The following SLC35F3 variants were observed in gnomAD, a reference collection of about 807,000 sequenced individuals.
SLC35F3 encodes the protein solute carrier family 35 member F3, also known as putative thiamine transporter SLC35F3.
A neutral mutation model predicts 49.9 loss-of-function variants in SLC35F3; 25 were observed. The ratio of observed to expected loss-of-function variants is 0.50; its 90% CI spans 0.37 to 0.70. The LOEUF is 0.70. Ranked by LOEUF, SLC35F3 falls within the 30% of genes least tolerant of loss-of-function variation. The probability of loss-of-function intolerance (pLI) is 0.00; values close to 1 mark genes in which losing one functional copy is unlikely to be tolerated. For missense variants in SLC35F3, 525 were observed against 639.8 expected, an observed-to-expected ratio of 0.82 and a Z score of 1.94; for synonymous variants, 275 against 265.4, an observed-to-expected ratio of 1.04 and a Z score of -0.35.
chr1:234,144,748 A>G (rs1285579307), intron 2 of SLC35F3, among the ~76,000 whole-genome samples: 1 of 152,132 alleles, frequency 6.6e-6, no homozygotes, highest in Non-Finnish European at 1.5e-5. Flanking sequence ...CCCCTTTCTC[A>G]TGGACTTAGA....
chr1:234,130,457 G>A (rs1295416870), intron 2 of SLC35F3, among the ~76,000 whole-genome samples: 3 of 90,498 alleles, frequency 3.3e-5, no homozygotes, highest in African/African-American at 6.8e-5. Flanking sequence ...TGGCTAACAC[G>A]GTGAAACCCC....
chr1:234,186,061 T>C (rs532589847), intron 2 of SLC35F3, among the ~76,000 whole-genome samples: 4 of 152,268 alleles, frequency 2.6e-5, no homozygotes, highest in African/African-American at 7.2e-5. Flanking sequence ...CTAACAGAGA[T>C]AGAAACAGGC....
At chr1:234,085,159 C>T (rs1481249244) in intron 2 of SLC35F3, among the ~76,000 whole-genome samples, 1 of 152,178 alleles carries the variant, frequency 6.6e-6, no homozygotes, top group Non-Finnish European at 1.5e-5. Flanking sequence ...GGGTTTCTGG[C>T]TGTGTCTTGC....
At chr1:234,117,745 G>T (rs183897842) in intron 2 of SLC35F3, among the ~76,000 whole-genome samples, 10 of 151,626 alleles carry the variant, frequency 6.6e-5, no homozygotes, top group Admixed American at 3.9e-4. Flanking sequence ...AATTAGCCGG[G>T]CGTGGTGGTG....
rs569641929 is a variant in SLC35F3 at position 233,904,754 on chromosome 1, C to T, written c.-324C>T. ...GCTCTCCCGGTCGCGGCGAGACTCACGCCTGCGGTGTGCTAGGGCGGCGGC... is the reference window on the plus strand; with the variant it reads ...GCTCTCCCGGTCGCGGCGAGACTCATGCCTGCGGTGTGCTAGGGCGGCGGC... On this transcript the variant is annotated 5_prime_UTR_variant, in exon 1 of 8. It adds an upstream start codon to the 5' untranslated region. Transcript: ENST00000366618. Among the ~76,000 whole-genome samples the T allele has an allele frequency of 0.013, 1,993 of 151,822 alleles. 17 individuals are homozygous for T. The highest frequency in any genetic ancestry group is 0.023 in the Non-Finnish European group (1,533 of 67,878).
intron 2 of SLC35F3, among the ~76,000 whole-genome samples, chr1:234,184,999 C>T (rs915124157): frequency 1.3e-5 from 2 of 152,210 alleles, no homozygotes; most frequent in African/African-American, 4.8e-5. Flanking sequence ...CTATGGAGAA[C>T]ACCAAGGTGG....
Position 234,260,517 on chromosome 1 carries a change from G to A in SLC35F3, c.608+28776G>A, listed in dbSNP as rs76068656. On this transcript the variant is annotated intron_variant, in intron 3 of 7. Transcript: ENST00000366618. ...CAGGATCCCAGAGAGCCCTCTGGAC[G>A]GAGATCATGGTCTTCCATACTGGGT... Among the ~76,000 whole-genome samples the A allele has an allele frequency of 1.4e-4, 22 of 152,270 alleles. No homozygotes were observed. In the East Asian group the frequency reaches 3.7e-3, roughly 25 times the overall value.
rs1458546914 is a variant in SLC35F3 at position 234,324,432 on chromosome 1, C to T, written c.*1189C>T. 2 of 152,164 alleles carry T rather than the reference C, an allele frequency of 1.3e-5. No individual in the cohort carries two copies. Among genetic ancestry groups the T allele is most frequent in the African/African-American group, 4.8e-5 (2 of 41,420 alleles). 9.4% of individuals were successfully genotyped at this position (152,164 alleles called of 1,614,324 possible). A position where few individuals can be genotyped will look rare whatever the true frequency, so the allele number is the denominator to read the frequency against. ...CCTGGGGGAAAGGGGCATTCATGACCTGAACTTTTTAGCAAATTATTATTC... is the reference window on the plus strand; with the variant it reads ...CCTGGGGGAAAGGGGCATTCATGACTTGAACTTTTTAGCAAATTATTATTC... On this transcript the variant is annotated 3_prime_UTR_variant, in exon 8 of 8. Coordinates refer to ENST00000366618, the MANE Select transcript of SLC35F3 (RefSeq NM_173508.4).
At chr1:234,283,664 A>G (rs930041154) in intron 3 of SLC35F3, among the ~76,000 whole-genome samples, 3 of 152,256 alleles carry the variant, frequency 2.0e-5, no homozygotes, top group African/African-American at 7.2e-5. Flanking sequence ...AGAATCCCCC[A>G]TAACAGAGAA....
intron 3 of SLC35F3, chr1:234,306,531 C>G (rs1233324697): frequency 6.6e-6 from 1 of 152,658 alleles, no homozygotes; most frequent in African/African-American, 2.4e-5. Context: ...AGTCTTTGGT[C>G]TCAAAATATC....
intron 2 of SLC35F3, among the ~76,000 whole-genome samples, chr1:233,943,857 G>A (rs1662470938): frequency 6.6e-6 from 1 of 152,162 alleles, no homozygotes; most frequent in Non-Finnish European, 1.5e-5. Flanking sequence ...GAAATAATCA[G>A]CTTTAATTTT....
chr1:234,217,536 TGAG>T (rs1428373435), intron 2 of SLC35F3, among the ~76,000 whole-genome samples: 8 of 152,186 alleles, frequency 5.3e-5, no homozygotes, highest in African/African-American at 1.9e-4. Flanking sequence ...GAGGTGTTCC[TGAG>T]GAGGAGGCCT....
intron 3 of SLC35F3, among the ~76,000 whole-genome samples, chr1:234,232,076 C>T (rs1667387922): frequency 6.6e-6 from 1 of 152,160 alleles, no homozygotes; most frequent in African/African-American, 2.4e-5. Flanking sequence ...CCTCAGCAAG[C>T]TTGGGGTGAG....
Position 233,971,973 on chromosome 1 carries a change from A to T in SLC35F3, c.283+66215A>T, listed in dbSNP as rs568834749. On this transcript the variant is annotated intron_variant, in intron 2 of 7. Coordinates refer to ENST00000366618, the MANE Select transcript of SLC35F3 (RefSeq NM_173508.4). The stretch of plus-strand genomic sequence containing the variant: ...GCGTGCTGGCCTGCACAATGCCTCA[A>T]CCTGTGCCAGTGCCGTGTGTGTGTC... Among the ~76,000 whole-genome samples, 5 of 152,338 alleles carry T rather than the reference A, an allele frequency of 3.3e-5. No individual in the cohort carries two copies. In the South Asian group the frequency reaches 1.0e-3, roughly 32 times the overall value.
chr1:234,003,617 A>G (rs1214389394), intron 2 of SLC35F3, among the ~76,000 whole-genome samples: 2 of 152,218 alleles, frequency 1.3e-5, no homozygotes, highest in Non-Finnish European at 2.9e-5. Flanking sequence ...CACACACAAA[A>G]GGGCAAAATC....
At chr1:234,225,859 G>A (rs912120680) in intron 2 of SLC35F3, among the ~76,000 whole-genome samples, 6 of 152,198 alleles carry the variant, frequency 3.9e-5, no homozygotes, top group African/African-American at 1.4e-4. Context: ...TCAAAAGAAT[G>A]AACTGCTGAC....
In SLC35F3 at chr1:234,268,773, G is replaced by A. The variant is rs903846514; in HGVS notation, c.608+37032G>A. 3 of 152,120 alleles carry A rather than the reference G, an allele frequency of 2.0e-5. No homozygotes were observed. The South Asian group carries it at 6.2e-4, about 32-fold the overall frequency. The allele number at this position is 152,120 out of a possible 1,614,324, so 9.4% of individuals were successfully genotyped here. A position where few individuals can be genotyped will look rare whatever the true frequency, so the allele number is the denominator to read the frequency against. ...CGTGCCACACGATGGAATATCATACGGCAGTGAAAATCAGTGGACTTCGGC... is the reference window on the plus strand; with the variant it reads ...CGTGCCACACGATGGAATATCATACAGCAGTGAAAATCAGTGGACTTCGGC... On this transcript the variant is annotated intron_variant, in intron 3 of 7. Transcript: ENST00000366618.
At chr1:234,146,073 C>G (rs1373962264) in intron 2 of SLC35F3, among the ~76,000 whole-genome samples, 1 of 151,972 alleles carries the variant, frequency 6.6e-6, no homozygotes, top group Admixed American at 6.6e-5. Context: ...TCTTTTTAAT[C>G]TGGTAATTTC....
intron 2 of SLC35F3, among the ~76,000 whole-genome samples, chr1:233,974,957 G>A (rs971800633): frequency 6.6e-6 from 1 of 152,230 alleles, no homozygotes; most frequent in Non-Finnish European, 1.5e-5. Context: ...GCTCAGAAAG[G>A]CTTAGAGAGA....
Sources: gnomAD v4.1 joint callset for allele counts (sites outside exome capture counted in the v4.1 genomes callset) on GRCh38, gnomAD v4.1.1 for gene constraint, MANE v1.5 for transcripts, NCBI Gene and HGNC (gene_info 2026-07-23, HGNC 2026-07-21) for gene names.